Variants in AFF2 observed in about 807,000 individuals in gnomAD.
AFF2 encodes ALF transcription elongation factor 2.
AFF2 carries 14 observed loss-of-function variants against 76.9 expected under a neutral mutation model. The ratio of observed to expected loss-of-function variants is 0.18; its 90% CI spans 0.12 to 0.28. The LOEUF (loss-of-function observed/expected upper bound fraction) is 0.28, where lower values mean the gene tolerates loss of function less well. AFF2 is among the 10% of genes least tolerant of loss of function. AFF2 has a pLI of 1.00. For missense variants in AFF2, 868 were observed against 1,001.1 expected, an observed-to-expected ratio of 0.87 and a Z score of 1.79; for synonymous variants, 398 against 366.7, an observed-to-expected ratio of 1.09 and a Z score of -0.98.
chrX:148,956,683 G>A, intron 11 of AFF2, 70 bp downstream of exon 11: 1 of 1,046,305 alleles, frequency 9.6e-7, no homozygotes. Flanking sequence ...TTGATCTTGA[G>A]CCTCATCTTC....
chrX:148,917,914 G>A (rs1221807925), intron 9 of AFF2, among the ~76,000 whole-genome samples: 1 of 112,033 alleles, frequency 8.9e-6, no homozygotes, highest in African/African-American at 3.3e-5. Flanking sequence ...ACCCAAGACC[G>A]TGTTAAAGGA....
intron 3 of AFF2, among the ~76,000 whole-genome samples, chrX:148,673,194 A>G (rs979627481): frequency 8.9e-6 from 1 of 111,994 alleles, no homozygotes; most frequent in Non-Finnish European, 1.9e-5. Flanking sequence ...AGTAGCTGTG[A>G]AAGTTCTCTG....
chrX:148,773,685 G>GGAAAGAAAGAAAGAAAGAAAGAAAGAAA (rs1205912443), intron 3 of AFF2, among the ~76,000 whole-genome samples: 26 of 51,431 alleles, frequency 5.1e-4, no homozygotes, highest in Admixed American at 1.4e-3. Context: ...AAGGAAGGAA[G>GGAAAGAAAGAAAGAAAGAAAGAAAGAAA]GAAAGAAAGA....
chrX:148,807,629 C>A (rs1251964966), intron 3 of AFF2, among the ~76,000 whole-genome samples: 1 of 112,111 alleles, frequency 8.9e-6, no homozygotes, highest in African/African-American at 3.2e-5. Flanking sequence ...GATGTGTTTG[C>A]GTGGGAAAAG....
Position 148,500,773 on chromosome X carries a change from G to C in AFF2, c.-325G>C, listed in dbSNP as rs1456273295. The C allele has an allele frequency of 1.0e-5, 1 of 100,121 alleles. No individual in the cohort carries two copies. The highest frequency in any genetic ancestry group is 3.6e-5 in the African/African-American group (1 of 27,724). 8.3% of individuals were successfully genotyped at this position (100,121 alleles called of 1,213,427 possible). The stretch of plus-strand genomic sequence containing the variant: ...CCGCCGGCCCGCAGCCAGCCAGGCG[G>C]GCGGCCCAGCCCGCCTGAGCCCGCA... On this transcript the variant is annotated 5_prime_UTR_variant, in exon 1 of 21. Transcript: ENST00000370460.
At chrX:148,856,717 A>G (rs782508020) in intron 7 of AFF2, among the ~76,000 whole-genome samples, 15 of 112,476 alleles carry the variant, frequency 1.3e-4, no homozygotes, top group Non-Finnish European at 2.6e-4. Flanking sequence ...CTGAGTCATA[A>G]TTTTTAATTC....
chrX:148,819,510 G>C (rs1557272400), intron 4 of AFF2, among the ~76,000 whole-genome samples: 1 of 110,943 alleles, frequency 9.0e-6, no homozygotes, highest in East Asian at 2.8e-4. Flanking sequence ...AAATCAGGTT[G>C]TCTATTACCT....
intron 11 of AFF2, 130 bp from the exon 12 acceptor site, chrX:148,958,207 A>G: frequency 1.1e-6 from 1 of 921,761 alleles, no homozygotes; most frequent in Non-Finnish European, 1.5e-6. Context: ...TGCACATTTA[A>G]CTCACCTACC....
intron 3 of AFF2, among the ~76,000 whole-genome samples, chrX:148,673,189 C>T (rs1205576898): frequency 1.8e-5 from 2 of 111,805 alleles, no homozygotes; most frequent in Admixed American, 1.9e-4. Context: ...AACTAAGTAG[C>T]TGTGAAAGTT....
At chrX:148,952,712 A>G (rs1417204860) in intron 9 of AFF2, among the ~76,000 whole-genome samples, 1 of 112,301 alleles carries the variant, frequency 8.9e-6, no homozygotes, top group African/African-American at 3.2e-5. Flanking sequence ...AAGGCAGAGT[A>G]GCAAATGGTG....
chrX:148,618,170 T>TA (rs782342691), intron 1 of AFF2, among the ~76,000 whole-genome samples: 5 of 111,412 alleles, frequency 4.5e-5, no homozygotes, highest in African/African-American at 1.6e-4. Context: ...TTTGAGTCAT[T>TA]AAAAAAAATC....
chrX:148,989,165 T>A (rs1344804938), intron 20 of AFF2, among the ~76,000 whole-genome samples: 1 of 112,537 alleles, frequency 8.9e-6, no homozygotes, highest in Non-Finnish European at 1.9e-5. Context: ...GGTTCTAGAA[T>A]TGCAAGTGAA....
intron 1 of AFF2, among the ~76,000 whole-genome samples, chrX:148,565,318 C>A (rs1382127064): frequency 1.8e-5 from 2 of 111,257 alleles, no homozygotes; most frequent in African/African-American, 6.5e-5. Context: ...TTAAAAAAAA[C>A]TACTGACATC....
At chrX:148,952,027 G>A (rs1292151941) in intron 9 of AFF2, among the ~76,000 whole-genome samples, 3 of 112,100 alleles carry the variant, frequency 2.7e-5, no homozygotes, top group African/African-American at 6.5e-5. Context: ...AAGGACACAC[G>A]GCACAGGAAG....
intron 3 of AFF2, among the ~76,000 whole-genome samples, chrX:148,750,470 A>G (rs782270061): frequency 9.0e-6 from 1 of 111,333 alleles, no homozygotes; most frequent in South Asian, 3.8e-4. Flanking sequence ...ATCCCTCAGC[A>G]TGAGGTATCA....
chrX:148,686,018 T>G (rs2054598618), intron 3 of AFF2, among the ~76,000 whole-genome samples: 1 of 110,902 alleles, frequency 9.0e-6, no homozygotes, highest in African/African-American at 3.3e-5. Context: ...CTTTCTTTTC[T>G]TCTCAGGAGA....
intron 3 of AFF2, among the ~76,000 whole-genome samples, chrX:148,663,337 G>A (rs782349481): frequency 2.7e-5 from 3 of 112,086 alleles, no homozygotes; most frequent in Non-Finnish European, 5.6e-5. Flanking sequence ...CTTCCCTTCT[G>A]CATCTCCTTC....
chrX:148,701,312 A>C (rs1288563156), intron 3 of AFF2, among the ~76,000 whole-genome samples: 2 of 111,561 alleles, frequency 1.8e-5, no homozygotes, highest in African/African-American at 6.5e-5. Flanking sequence ...CTGGTGGAAC[A>C]CTCACTAGTT....
intron 9 of AFF2, among the ~76,000 whole-genome samples, chrX:148,905,355 G>A (rs1292160463): frequency 1.8e-5 from 2 of 112,047 alleles, no homozygotes; most frequent in Non-Finnish European, 3.8e-5. Context: ...GATATATTAT[G>A]TTGTAGTCTT....
Sources: allele counts gnomAD v4.1 joint callset (sites outside exome capture counted in the v4.1 genomes callset), GRCh38; gene constraint gnomAD v4.1.1; transcripts MANE v1.5; gene names NCBI Gene and HGNC (gene_info 2026-07-23, HGNC 2026-07-21).